The following RYR2 variants were observed in gnomAD, a reference collection of about 807,000 sequenced individuals.
The protein encoded by RYR2 is ryanodine receptor 2.
RYR2 carries 227 observed loss-of-function variants against 601.1 expected under a neutral mutation model. The ratio of observed to expected loss-of-function variants is 0.38; its 90% CI spans 0.34 to 0.42. The LOEUF (loss-of-function observed/expected upper bound fraction) is 0.42, where lower values mean the gene tolerates loss of function less well. RYR2 is among the 10% of genes least tolerant of loss of function. RYR2 has a pLI of 1.00. For missense variants in RYR2, 4,646 were observed against 6,156.5 expected (o/e 0.75, Z 8.21); for synonymous variants, 2,223 against 2,175.1 (o/e 1.02, Z -0.61).
At chr1:237,700,189 C>A in intron 64 of RYR2, 40 bp from the exon 65 acceptor site, 2 of 1,133,802 alleles carry the variant, frequency 1.8e-6, no homozygotes, top group Non-Finnish European at 2.6e-6. Context: ...TTCATTTGTT[C>A]CTGTTGGAAG....
chr1:237,765,750 G>A (rs1693799939), intron 84 of RYR2, among the ~76,000 whole-genome samples: 1 of 152,178 alleles, frequency 6.6e-6, no homozygotes, highest in Non-Finnish European at 1.5e-5. Context: ...AACTTGTGAT[G>A]TTGGTTCGTG....
chr1:237,786,152 G>T, intron 91 of RYR2, 116 bp downstream of exon 91: 1 of 695,926 alleles, frequency 1.4e-6, no homozygotes. Flanking sequence ...AGGAGCCACA[G>T]AACTAATTGT....
intron 3 of RYR2, among the ~76,000 whole-genome samples, chr1:237,351,854 C>CAAAAAAAAAAAAAAAAAAAAAA (rs33955032): frequency 1.5e-4 from 6 of 40,944 alleles, no homozygotes; most frequent in Non-Finnish European, 2.3e-4. Flanking sequence ...AAAGACCATG[C>CAAAAAAAAAAAAAAAAAAAAAA]AAAAAAAAAA....
intron 1 of RYR2, among the ~76,000 whole-genome samples, chr1:237,199,229 A>C (rs575504042): frequency 2.0e-5 from 3 of 152,232 alleles, no homozygotes; most frequent in African/African-American, 7.2e-5. Flanking sequence ...TTTAGTAACG[A>C]GTGCTGACTC....
chr1:237,298,470 A>G (rs1377627082), intron 2 of RYR2, among the ~76,000 whole-genome samples: 1 of 152,154 alleles, frequency 6.6e-6, no homozygotes, highest in Non-Finnish European at 1.5e-5. Context: ...TACAGATGGA[A>G]TGTGTGGCTG....
intron 82 of RYR2, 91 bp downstream of exon 82, chr1:237,757,867 A>G (rs999676581): frequency 1.5e-5 from 12 of 806,702 alleles, no homozygotes; most frequent in South Asian, 1.0e-4. Context: ...TTTATTTTCT[A>G]TGTACAATAT....
intron 10 of RYR2, among the ~76,000 whole-genome samples, chr1:237,400,787 A>G (rs1703282643): frequency 6.6e-6 from 1 of 152,154 alleles, no homozygotes; most frequent in African/African-American, 2.4e-5. Context: ...AAGATGTAGT[A>G]TTGGGTCATA....
intron 1 of RYR2, among the ~76,000 whole-genome samples, chr1:237,109,735 A>G (rs1386938440): frequency 6.7e-6 from 1 of 149,798 alleles, no homozygotes; most frequent in Non-Finnish European, 1.5e-5. Flanking sequence ...AAAAAAAATA[A>G]TAATAATAAT....
intron 1 of RYR2, among the ~76,000 whole-genome samples, chr1:237,131,177 C>A (rs1672129265): frequency 6.6e-6 from 1 of 151,952 alleles, no homozygotes; most frequent in Non-Finnish European, 1.5e-5. Context: ...ATGACAGTTC[C>A]CCCTGGGAGG....
chr1:237,573,555 G>A (rs1048801486), intron 29 of RYR2, among the ~76,000 whole-genome samples: 55 of 148,806 alleles, frequency 3.7e-4, no homozygotes, highest in South Asian at 8.6e-4. Flanking sequence ...GTACTGCTAG[G>A]AACAACCCTA....
intron 1 of RYR2, among the ~76,000 whole-genome samples, chr1:237,104,678 G>A (rs1420560258): frequency 6.6e-6 from 1 of 152,108 alleles, no homozygotes; most frequent in South Asian, 2.1e-4. Flanking sequence ...ACCCTCTAGG[G>A]CCTTGTGTAA....
intron 12 of RYR2, among the ~76,000 whole-genome samples, chr1:237,425,307 A>G (rs1326547055): frequency 2.0e-5 from 3 of 152,064 alleles, no homozygotes; most frequent in Admixed American, 2.0e-4. Flanking sequence ...GGATATAGGG[A>G]TCACCAACAC....
At chr1:237,814,621 T>A (rs1305031365) in intron 100 of RYR2, among the ~76,000 whole-genome samples, 1 of 151,854 alleles carries the variant, frequency 6.6e-6, no homozygotes, top group Non-Finnish European at 1.5e-5. Flanking sequence ...AGTATCCTGA[T>A]AGAATTTGAA....
chr1:237,666,675 C>A, intron 57 of RYR2, 86 bp downstream of exon 57: 1 of 1,096,096 alleles, frequency 9.1e-7, no homozygotes, highest in Non-Finnish European at 1.3e-6. Flanking sequence ...TATTTGGCAG[C>A]ATGGTTTATT....
intron 29 of RYR2, among the ~76,000 whole-genome samples, chr1:237,569,875 C>T (rs563670552): frequency 1.3e-4 from 20 of 152,116 alleles, no homozygotes; most frequent in African/African-American, 3.1e-4. Flanking sequence ...GCAGGGAGCA[C>T]GTGCTGCTGC....
At position 237,832,753 on chromosome 1, in the gene RYR2, C is replaced by T. The variant is rs1295585410; in HGVS notation, c.*106C>T. On this transcript the variant is annotated 3_prime_UTR_variant, in exon 105 of 105. Transcript: ENST00000366574. ...TTTTGCTGATTTTGTGAATTGCCAG[C>T]GTTGTGTGTTTTCTGGGAGCATCGA... 1.0e-4 allele frequency: 61 copies of T among 597,986 alleles called. No homozygotes were observed. The East Asian group carries it at 1.5e-3, about 15-fold the overall frequency. 37.0% of individuals were successfully genotyped at this position (597,986 alleles called of 1,614,324 possible). A position where few individuals can be genotyped will look rare whatever the true frequency, so the allele number is the denominator to read the frequency against.
At chr1:237,724,215 A>G (rs913634707) in intron 74 of RYR2, among the ~76,000 whole-genome samples, 5 of 123,126 alleles carry the variant, frequency 4.1e-5, no homozygotes, top group South Asian at 2.7e-4. Context: ...ATATATATAT[A>G]TATGTATGTG....
At chr1:237,623,561 T>C (rs559040013) in intron 38 of RYR2, among the ~76,000 whole-genome samples, 1 of 151,740 alleles carries the variant, frequency 6.6e-6, no homozygotes, top group South Asian at 2.1e-4. Flanking sequence ...ACCCAACTAA[T>C]TTTTGTATCT....
At chr1:237,633,540 G>T in intron 42 of RYR2, 38 bp from the exon 43 acceptor site, 1 of 1,612,346 alleles carries the variant, frequency 6.2e-7, no homozygotes, top group Non-Finnish European at 8.5e-7. Context: ...TATAAAGGTC[G>T]TTTGCTTTCA....
Sources: gnomAD v4.1 joint callset for allele counts (sites outside exome capture counted in the v4.1 genomes callset) on GRCh38, gnomAD v4.1.1 for gene constraint, MANE v1.5 for transcripts, NCBI Gene and HGNC (gene_info 2026-07-23, HGNC 2026-07-21) for gene names.